Variants in TATDN3 observed in about 807,000 individuals in gnomAD.
TATDN3 encodes the protein deoxyribonuclease TATDN3.
In TATDN3, 29 loss-of-function variants were observed where a neutral mutation model predicts 40.1. The observed-to-expected ratio is 0.72, with a 90% CI of 0.54 to 0.99. TATDN3 has a LOEUF of 0.99. Ranked by LOEUF, TATDN3 falls within the 50% of genes least tolerant of loss-of-function variation. The pLI is 0.00. For missense variants in TATDN3, 309 were observed against 321.9 expected (o/e 0.96, Z 0.31); for synonymous variants, 105 against 117.0 (o/e 0.90, Z 0.66).
rs546914378 is a variant in TATDN3, at chr1:212,806,903, T to G, written c.488-833T>G. ...ATATGTATATACACATATATACATATGTATATACACATATATACATATATA... is the reference window on the plus strand; with the variant it reads ...ATATGTATATACACATATATACATAGGTATATACACATATATACATATATA... On this transcript the variant is annotated intron_variant, in intron 7 of 9. Transcript: ENST00000366974. Among the ~76,000 whole-genome samples, 4 of 144,524 alleles carry G rather than the reference T, an allele frequency of 2.8e-5. No individual in the cohort carries two copies. The South Asian group carries it at 8.5e-4, about 31-fold the overall frequency. The allele number at this position is 144,524 out of a possible 152,430, so 94.8% of individuals were successfully genotyped here. A position where few individuals can be genotyped will look rare whatever the true frequency, so the allele number is the denominator to read the frequency against.
At position 212,804,300 on chromosome 1, in the gene TATDN3, C is replaced by A. The variant is rs1056095975; in HGVS notation, c.322-20C>A. ...TTCCTTAAACCTAAATATGTAATAT[C>A]TTTTATTTTTCTGCTCTAGGTTGGA... On this transcript the variant is annotated intron_variant, in intron 5 of 9. Transcript: ENST00000366974. 3 of 1,580,792 alleles carry A rather than the reference C, an allele frequency of 1.9e-6. No homozygotes were observed. Among genetic ancestry groups the A allele is most frequent in the Non-Finnish European group, 8.7e-7 (1 of 1,151,306 alleles).
At chr1:212,802,221 G>T (rs1662215445) in intron 4 of TATDN3, among the ~76,000 whole-genome samples, 2 of 152,158 alleles carry the variant, frequency 1.3e-5, no homozygotes, top group Non-Finnish European at 2.9e-5. Context: ...AGTAGTCAAA[G>T]CAGGGCTATA....
At position 212,804,619 on chromosome 1, in the gene TATDN3, G is replaced by C. The variant is rs772985661; in HGVS notation, c.455G>C (p.Gly152Ala). 10 of 1,613,646 alleles carry C rather than the reference G, an allele frequency of 6.2e-6. No individual in the cohort carries two copies. Among genetic ancestry groups the C allele is most frequent in the Non-Finnish European group, 8.5e-6 (10 of 1,179,914 alleles). The change falls in exon 7 of 10, where the codon GGA becomes GCA. Residue 152 changes from glycine to alanine, a missense_variant. Physicochemically the swap from Gly to Ala is moderately conservative, Grantham distance 60. Coordinates refer to ENST00000366974, the MANE Select transcript of TATDN3 (RefSeq NM_001042552.3). ...LPVNVHSRSA[G>A]RPTINLLQEQ... ...AGAAATGTGCACTCACGCTCTGCTG[G>C]AAGACCTACCATCAACCTTTTACAA...
At chr1:212,806,725 A>C (rs1662491972) in intron 7 of TATDN3, among the ~76,000 whole-genome samples, 1 of 82,908 alleles carries the variant, frequency 1.2e-5, no homozygotes, top group South Asian at 4.4e-4. Context: ...TTAAGAATTT[A>C]TTCTCTCTCT....
In TATDN3 at chr1:212,804,433, G is replaced by A. The variant is rs776876473; in HGVS notation, c.431+4G>A. The A allele has an allele frequency of 6.2e-7, 1 of 1,610,590 alleles. No individual in the cohort carries two copies. The highest frequency in any genetic ancestry group is 1.1e-5 in the South Asian group (1 of 90,806). ...CCAAAAGACTAAATTTGCCTGTGTA[G>A]GTTAATTATTTTCCTATGTTAATAG... On this transcript the variant is annotated splice_donor_region_variant and intron_variant, in intron 6 of 9. Transcript: ENST00000366974.
chr1:212,796,008 T>C (rs75340838), intron 2 of TATDN3, among the ~76,000 whole-genome samples: 3,469 of 152,334 alleles, frequency 0.023, 63 homozygotes, highest in South Asian at 0.042. Context: ...TTTAAATTCA[T>C]GTGGTTCTGG....
intron 7 of TATDN3, among the ~76,000 whole-genome samples, 171 bp from the exon 8 acceptor site, chr1:212,807,565 T>C (rs534048011): frequency 6.6e-6 from 1 of 152,280 alleles, no homozygotes; most frequent in African/African-American, 2.4e-5. Flanking sequence ...AAATTTACTA[T>C]ATTTTTATTC....
intron 8 of TATDN3, among the ~76,000 whole-genome samples, chr1:212,810,420 G>A (rs1662798989): frequency 6.7e-6 from 1 of 149,050 alleles, no homozygotes; most frequent in African/African-American, 2.5e-5. Context: ...GCTGAGGCAG[G>A]AGAATGGCGT....
intron 9 of TATDN3, among the ~76,000 whole-genome samples, chr1:212,814,143 C>T (rs372626351): frequency 3.3e-5 from 5 of 152,152 alleles, no homozygotes; most frequent in East Asian, 3.9e-4. Context: ...TATTAATAAA[C>T]ATACTTTTCT....
chr1:212,812,138 C>A, intron 8 of TATDN3, 110 bp from the exon 9 acceptor site: 1 of 695,196 alleles, frequency 1.4e-6, no homozygotes, highest in Non-Finnish European at 2.3e-6. Context: ...CAGCCTAAAG[C>A]ATAAATTTTA....
rs1571973399 is a variant in TATDN3, at chr1:212,810,396, C to T, written c.601-1852C>T. ...GCATGGTGGTGGGCGCCTGTAGTCC[C>T]AGCTACTTGGGAGGCTGAGGCAGGA... is the stretch of plus-strand genomic sequence containing the variant. On this transcript the variant is annotated intron_variant, in intron 8 of 9. Coordinates refer to ENST00000366974, the MANE Select transcript of TATDN3 (RefSeq NM_001042552.3). Among the ~76,000 whole-genome samples, 4 of 150,842 alleles carry T rather than the reference C, an allele frequency of 2.7e-5. No homozygotes were observed. The South Asian group carries it at 8.4e-4, about 32-fold the overall frequency.
intron 4 of TATDN3, among the ~76,000 whole-genome samples, chr1:212,800,372 T>G (rs1355060238): frequency 6.7e-6 from 1 of 149,732 alleles, no homozygotes; most frequent in Non-Finnish European, 1.5e-5. Context: ...TGATAGGTAC[T>G]TCTTTTTTTT....
At chr1:212,814,979 C>T (rs1663106327) in intron 9 of TATDN3, 34 bp from the exon 10 acceptor site, 4 of 1,595,080 alleles carry the variant, frequency 2.5e-6, no homozygotes, top group African/African-American at 1.3e-5. Flanking sequence ...CCTTCAGTGT[C>T]ATGTTTGACA....
At chr1:212,810,102 AT>A (rs1399842244) in intron 8 of TATDN3, among the ~76,000 whole-genome samples, 6 of 152,036 alleles carry the variant, frequency 3.9e-5, no homozygotes, top group Admixed American at 2.6e-4. Flanking sequence ...GGAGGCTCAT[AT>A]CTGTGACCTC....
intron 1 of TATDN3, among the ~76,000 whole-genome samples, chr1:212,793,696 T>A (rs1217874159): frequency 6.6e-6 from 1 of 151,880 alleles, no homozygotes; most frequent in Admixed American, 6.6e-5. Flanking sequence ...AGAGAGAGAA[T>A]CCACAGTAAG....
chr1:212,804,597 A>G lies in TATDN3; in HGVS notation c.433A>G (p.Asn145Asp). 2.5e-6 allele frequency: 4 copies of G among 1,613,288 alleles called. No homozygotes were observed. The highest frequency in any genetic ancestry group is 3.4e-6 in the Non-Finnish European group (4 of 1,179,686). ...QLAKRLNLPVNVHSRSAGRPT... is the reference protein window; with the variant it reads ...QLAKRLNLPVDVHSRSAGRPT... Reference sequence around the variant, plus strand: ...AGAAATGTTGTTATCGTTAAACAGAAATGTGCACTCACGCTCTGCTGGAAG... The same window carrying G: ...AGAAATGTTGTTATCGTTAAACAGAGATGTGCACTCACGCTCTGCTGGAAG... The change falls in exon 7 of 10, where the codon AAT becomes GAT. Residue 145 changes from asparagine to aspartate, a missense_variant and splice_region_variant. Physicochemically the swap from Asn to Asp is conservative, Grantham distance 23. Transcript: ENST00000366974.
rs146013583 is a variant in TATDN3, at chr1:212,797,140, G to T, written c.202G>T (p.Gly68Cys). The T allele has an allele frequency of 3.7e-5, 60 of 1,613,832 alleles. No individual in the cohort carries two copies. The African/African-American group carries it at 6.9e-4, about 19-fold the overall frequency. The change falls in exon 4 of 10, where the codon GGT becomes TGT. Residue 68 changes from glycine (G) to cysteine (C), a missense_variant. Transcript: ENST00000366974. ...TAATGGGTTTGTCCTGCCATGCTTG[G>T]GTGTTCATCCAGTTCAAGGACTTCC... ...RYNGFVLPCLGVHPVQGLPPE... is the reference protein window; with the variant it reads ...RYNGFVLPCLCVHPVQGLPPE...
chr1:212,794,994 CATT>C, intron 1 of TATDN3, 98 bp from the exon 2 acceptor site: 3 of 917,480 alleles, frequency 3.3e-6, no homozygotes, highest in East Asian at 2.4e-5. Flanking sequence ...TAGTTGCTAT[CATT>C]GTTATTTTTT....
intron 1 of TATDN3, 109 bp from the exon 2 acceptor site, chr1:212,794,986 G>A: frequency 1.2e-6 from 1 of 845,086 alleles, no homozygotes; most frequent in Non-Finnish European, 2.0e-6. Flanking sequence ...CACTCCATTA[G>A]TTGCTATCAT....
Sources: allele counts gnomAD v4.1 joint callset (sites outside exome capture counted in the v4.1 genomes callset), GRCh38; gene constraint gnomAD v4.1.1; transcripts MANE v1.5; gene names NCBI Gene and HGNC (gene_info 2026-07-23, HGNC 2026-07-21).